LIMCH1: variants seen among roughly 807,000 people sequenced by gnomAD.
LIMCH1 encodes the protein LIM and calponin homology domains 1, also known as LIM and calponin homology domains-containing protein 1.
Under a neutral mutation model 176.5 loss-of-function variants are expected in LIMCH1, and 113 were observed. The observed-to-expected ratio is 0.64, with a 90% CI of 0.55 to 0.75. The LOEUF (loss-of-function observed/expected upper bound fraction) is 0.75, where lower values mean the gene tolerates loss of function less well. Ranked by LOEUF, LIMCH1 falls within the 30% of genes least tolerant of loss-of-function variation. The pLI is 0.00. For synonymous variants in LIMCH1, 619 were observed against 645.9 expected, an observed-to-expected ratio of 0.96 and a Z score of 0.63; for missense variants, 1,674 against 1,814.9, an observed-to-expected ratio of 0.92 and a Z score of 1.41.
intron 2 of LIMCH1, among the ~76,000 whole-genome samples, chr4:41,599,734 A>G (rs1374054580): frequency 6.6e-6 from 1 of 152,194 alleles, no homozygotes; most frequent in Non-Finnish European, 1.5e-5. Context: ...TTTGACATGG[A>G]TATGCCTTAA....
chr4:41,513,775 C>T (rs984902091), intron 2 of LIMCH1, among the ~76,000 whole-genome samples: 2 of 151,916 alleles, frequency 1.3e-5, no homozygotes, highest in African/African-American at 2.4e-5. Context: ...GAGGCCAAGG[C>T]GGGCGGATCA....
At chr4:41,686,733 GTGATGA>G (rs1357848081) in intron 28 of LIMCH1, among the ~76,000 whole-genome samples, 1 of 152,154 alleles carries the variant, frequency 6.6e-6, no homozygotes, top group Non-Finnish European at 1.5e-5. Context: ...GTAAGTGTAG[GTGATGA>G]TGATGATAAC....
At chr4:41,610,963 G>A (rs1270071185) in intron 4 of LIMCH1, among the ~76,000 whole-genome samples, 1 of 152,162 alleles carries the variant, frequency 6.6e-6, no homozygotes, top group African/African-American at 2.4e-5. Flanking sequence ...GAGCAAAGAC[G>A]TAACTCTGAA....
In LIMCH1 at chr4:41,633,087, T is replaced by C. The variant is rs2093409745; in HGVS notation, c.1829+2T>C. 1 of 1,529,886 alleles carries C rather than the reference T, an allele frequency of 6.5e-7. No homozygotes were observed. The highest frequency in any genetic ancestry group is 1.2e-5 in the South Asian group (1 of 83,864). 94.8% of individuals were successfully genotyped at this position (1,529,886 alleles called of 1,614,324 possible). On this transcript the variant is annotated splice_donor_variant, in intron 12 of 31. Coordinates refer to ENST00000503057, the MANE Select transcript of LIMCH1 (RefSeq NM_001330672.2). LOFTEE classifies it high-confidence loss of function. ...ATCAGAGGACAGCAGCCAGCCACTGTGAGCATCTTGCCTGCGCTCTGCTCC... is the reference window on the plus strand; with the variant it reads ...ATCAGAGGACAGCAGCCAGCCACTGCGAGCATCTTGCCTGCGCTCTGCTCC...
chr4:41,497,479 A>G lies in LIMCH1; in HGVS notation c.167+2873A>G, dbSNP rs535524432. Among the ~76,000 whole-genome samples, 5 of 152,320 alleles carry G rather than the reference A, an allele frequency of 3.3e-5. No individual in the cohort carries two copies. In the South Asian group the frequency reaches 1.0e-3, roughly 32 times the overall value. On this transcript the variant is annotated intron_variant, in intron 2 of 26. Transcript: ENST00000313860. ...AAAGTAACTGAGGTACAAAGGATTAAATAACTTGGCTAAGATCATACAGAT... is the reference window on the plus strand; with the variant it reads ...AAAGTAACTGAGGTACAAAGGATTAGATAACTTGGCTAAGATCATACAGAT...
At chr4:41,376,264 T>C (rs2154100194) in intron 1 of LIMCH1, among the ~76,000 whole-genome samples, 1 of 152,326 alleles carries the variant, frequency 6.6e-6, no homozygotes, top group East Asian at 1.9e-4. Flanking sequence ...CCACCCAGAA[T>C]AGTTGTTCAA....
intron 1 of LIMCH1, among the ~76,000 whole-genome samples, chr4:41,597,381 G>C (rs1374733562): frequency 6.6e-6 from 1 of 152,150 alleles, no homozygotes; most frequent in Non-Finnish European, 1.5e-5. Context: ...TGAATAATAA[G>C]GGCTATAGAA....
chr4:41,596,375 A>G (rs1203655747), intron 1 of LIMCH1, among the ~76,000 whole-genome samples: 1 of 152,084 alleles, frequency 6.6e-6, no homozygotes, highest in African/African-American at 2.4e-5. Context: ...GAGTAAAGAC[A>G]AGTCTGGAAG....
intron 4 of LIMCH1, among the ~76,000 whole-genome samples, chr4:41,611,157 A>G (rs2091366611): frequency 6.6e-6 from 1 of 152,200 alleles, no homozygotes; most frequent in Non-Finnish European, 1.5e-5. Context: ...TTCTATGTTT[A>G]GGTATGTGTA....
At chr4:41,392,855 A>G (rs1223180614) in intron 1 of LIMCH1, among the ~76,000 whole-genome samples, 2 of 151,812 alleles carry the variant, frequency 1.3e-5, no homozygotes, top group Non-Finnish European at 2.9e-5. Context: ...ACATGGTGAA[A>G]CCCCGTCTCT....
chr4:41,534,551 A>G (rs995042082), upstream of LIMCH1, among the ~76,000 whole-genome samples: 8 of 152,198 alleles, frequency 5.3e-5, no homozygotes, highest in East Asian at 1.9e-4. Context: ...TGAGTTGGCT[A>G]TCTCTAAAAG....
intron 14 of LIMCH1, 150 bp downstream of exon 14, chr4:41,639,117 G>A (rs991544915): frequency 1.6e-6 from 1 of 621,620 alleles, no homozygotes; most frequent in African/African-American, 1.9e-5. Context: ...GGAATGCAGA[G>A]CATACATTCT....
chr4:41,572,818 G>A (rs1253523431), intron 1 of LIMCH1, among the ~76,000 whole-genome samples: 6 of 152,128 alleles, frequency 3.9e-5, no homozygotes, highest in Non-Finnish European at 4.4e-5. Context: ...ATAAGGCAAC[G>A]GGAATGAGGA....
intron 4 of LIMCH1, among the ~76,000 whole-genome samples, chr4:41,607,555 C>CT (rs928781492): frequency 1.3e-5 from 2 of 152,160 alleles, no homozygotes; most frequent in Non-Finnish European, 2.9e-5. Flanking sequence ...TAAATTTGGA[C>CT]TTGAATAATA....
chr4:41,384,204 T>G (rs1260229269), intron 1 of LIMCH1, among the ~76,000 whole-genome samples: 1 of 149,926 alleles, frequency 6.7e-6, no homozygotes, highest in Non-Finnish European at 1.5e-5. Context: ...CATTACATCC[T>G]GCTTTCTTTT....
At chr4:41,505,664 A>T (rs1244762654) in intron 2 of LIMCH1, among the ~76,000 whole-genome samples, 1 of 152,096 alleles carries the variant, frequency 6.6e-6, no homozygotes, top group Non-Finnish European at 1.5e-5. Flanking sequence ...AAGTACCCAT[A>T]CACAACTCCA....
intron 1 of LIMCH1, chr4:41,389,079 C>G (rs1285214592): frequency 6.6e-6 from 1 of 152,294 alleles, no homozygotes; most frequent in African/African-American, 2.4e-5. Context: ...TTGGTCATCT[C>G]ATATCCTGGT....
intron 1 of LIMCH1, among the ~76,000 whole-genome samples, chr4:41,583,907 A>G (rs1299530267): frequency 6.6e-6 from 1 of 152,104 alleles, no homozygotes; most frequent in Middle Eastern, 3.2e-3. Flanking sequence ...TACCGAAATT[A>G]CTTCAGGTTT....
At position 41,636,029 on chromosome 4, in the gene LIMCH1, C is replaced by T. The variant is rs192367381; in HGVS notation, c.2090+2221C>T. Among the ~76,000 whole-genome samples, 12 of 152,288 alleles carry T rather than the reference C, an allele frequency of 7.9e-5. No individual in the cohort carries two copies. The East Asian group carries it at 1.9e-3, about 25-fold the overall frequency. On this transcript the variant is annotated intron_variant, in intron 13 of 31. Coordinates refer to ENST00000503057, the MANE Select transcript of LIMCH1 (RefSeq NM_001330672.2). ...TTGAGCAATCCTCCCACCTCAGCCT[C>T]CCAAGTAGCTGGGACCACAGGCGTA...
Sources: gnomAD v4.1 joint callset for allele counts (sites outside exome capture counted in the v4.1 genomes callset) on GRCh38, gnomAD v4.1.1 for gene constraint, MANE v1.5 for transcripts, NCBI Gene and HGNC (gene_info 2026-07-23, HGNC 2026-07-21) for gene names.